FRK: variants seen among roughly 807,000 people sequenced by gnomAD.
FRK encodes fyn related Src family tyrosine kinase.
FRK carries 51 observed loss-of-function variants against 56.4 expected under a neutral mutation model. The ratio of observed to expected loss-of-function variants is 0.90; its 90% CI spans 0.72 to 1.14. The LOEUF is 1.14. Among genes scored for constraint, FRK ranks in the 50% most tolerant of loss-of-function variants. The probability of loss-of-function intolerance (pLI) is 0.00; values close to 1 mark genes in which losing one functional copy is unlikely to be tolerated. For missense variants in FRK, 570 were observed against 601.4 expected (o/e 0.95, Z 0.55); for synonymous variants, 245 against 217.9 (o/e 1.12, Z -1.10).
chr6:115,961,464 A>G, intron 4 of FRK, among the ~76,000 whole-genome samples: 1 of 114,234 alleles, frequency 8.8e-6, no homozygotes, highest in Non-Finnish European at 1.8e-5. Context: ...AAGTTGGAAA[A>G]CACTCTGCAG....
At chr6:115,954,709 AT>A (rs918926787) in intron 5 of FRK, among the ~76,000 whole-genome samples, 1 of 152,050 alleles carries the variant, frequency 6.6e-6, no homozygotes, top group African/African-American at 2.4e-5. Flanking sequence ...ACAAACAATG[AT>A]TTTTTTCCTC....
chr6:116,016,427 C>T (rs1445443727), intron 1 of FRK, among the ~76,000 whole-genome samples: 1 of 152,078 alleles, frequency 6.6e-6, no homozygotes, highest in South Asian at 2.1e-4. Context: ...CACATGTACC[C>T]AGAGAATATG....
chr6:115,977,122 A>C (rs977190047), intron 2 of FRK, among the ~76,000 whole-genome samples: 1 of 152,048 alleles, frequency 6.6e-6, no homozygotes, highest in Non-Finnish European at 1.5e-5. Context: ...CTCAGAAATC[A>C]TGCTAAGATA....
At chr6:116,073,737 T>C in the FRK span, among the ~76,000 whole-genome samples, 1 of 152,176 alleles carries the variant, frequency 6.6e-6, no homozygotes, top group South Asian at 2.1e-4. Flanking sequence ...TTACACTCCA[T>C]TTTTCCATTA....
At chr6:115,958,703 A>G (rs1327106612) in intron 4 of FRK, among the ~76,000 whole-genome samples, 62 of 4,736 alleles carry the variant, frequency 0.013, 7 homozygotes, top group African/African-American at 0.039. Context: ...AAAGAAAGAA[A>G]GAAGAAAGAA....
chr6:115,977,805 A>G (rs958154696), intron 2 of FRK, among the ~76,000 whole-genome samples: 6 of 152,124 alleles, frequency 3.9e-5, no homozygotes, highest in East Asian at 1.9e-4. Flanking sequence ...AAAGACCCCA[A>G]TAGTCCAATC....
chr6:116,033,960 C>G (rs1776383043), intron 1 of FRK, among the ~76,000 whole-genome samples: 1 of 151,816 alleles, frequency 6.6e-6, no homozygotes, highest in South Asian at 2.1e-4. Context: ...AAGGAAGAGG[C>G]AAAGCAATGT....
intron 1 of FRK, chr6:116,039,125 G>A (rs76990077): frequency 5.8e-6 from 5 of 866,368 alleles, no homozygotes; most frequent in East Asian, 2.4e-5. Context: ...CAGAGTAATC[G>A]CTTGCACTGG....
upstream of FRK, among the ~76,000 whole-genome samples, chr6:116,065,190 C>T (rs1333117931): frequency 3.3e-5 from 5 of 152,146 alleles, no homozygotes; most frequent in African/African-American, 1.2e-4. Flanking sequence ...ATGCTGAATA[C>T]TGCTACAGAA....
intron 1 of FRK, among the ~76,000 whole-genome samples, chr6:116,039,848 C>T (rs968372059): frequency 1.3e-5 from 2 of 151,482 alleles, no homozygotes; most frequent in Non-Finnish European, 2.9e-5. Flanking sequence ...ATCCTCCCCT[C>T]GGAAGCCATG....
intron 2 of FRK, among the ~76,000 whole-genome samples, chr6:115,976,815 G>T (rs1422090179): frequency 6.6e-6 from 1 of 152,050 alleles, no homozygotes; most frequent in African/African-American, 2.4e-5. Flanking sequence ...GTTCACAAAG[G>T]ATGATAGATA....
intron 5 of FRK, among the ~76,000 whole-genome samples, chr6:115,947,529 T>C (rs550089345): frequency 6.6e-6 from 1 of 152,234 alleles, no homozygotes; most frequent in South Asian, 2.1e-4. Context: ...CAATGCAATG[T>C]GTGCAAAAAC....
rs1771962327 is a variant in FRK, at chr6:115,931,795, T to C, written c.*10619A>G. 1 of 152,204 alleles carries C rather than the reference T, an allele frequency of 6.6e-6. No individual in the cohort carries two copies. The highest frequency in any genetic ancestry group is 2.4e-5 in the African/African-American group (1 of 41,450). The allele number at this position is 152,204 out of a possible 1,614,324, so 9.4% of individuals were successfully genotyped here. Reference sequence around the variant, plus strand: ...ATCAGAAAATCATTATAAAGCAATATTTAGTTTCTTCCAAACAGGGCAGTT... The same window carrying C: ...ATCAGAAAATCATTATAAAGCAATACTTAGTTTCTTCCAAACAGGGCAGTT... On this transcript the variant is annotated 3_prime_UTR_variant, in exon 8 of 8. Coordinates refer to ENST00000606080, the MANE Select transcript of FRK (RefSeq NM_002031.3).
chr6:116,070,925 T>C, the FRK span, among the ~76,000 whole-genome samples: 2 of 152,146 alleles, frequency 1.3e-5, no homozygotes, highest in Non-Finnish European at 2.9e-5. Context: ...TTTATTTTGA[T>C]ATTGGACATT....
rs376406708 is a variant in FRK, at chr6:115,967,647, G to C, written c.703C>G (p.Gln235Glu). Residue 235 changes from glutamine to glutamate, a missense_variant, in exon 4 of 8, where the codon CAG becomes GAG. Physicochemically the swap from Gln to Glu is conservative, Grantham distance 29. Transcript: ENST00000606080. ...DQWEIDRNSI[Q>E]LLKRLGSGQF... ...CCAGATCCCAATCGCTTCAGAAGCT[G>C]TATGGAGTTGCGGTCTATCTCCCAT... 2.5e-6 allele frequency: 4 copies of C among 1,613,534 alleles called. No individual in the cohort carries two copies. The highest frequency in any genetic ancestry group is 3.4e-6 in the Non-Finnish European group (4 of 1,179,722).
chr6:116,065,873 A>T (rs983726585), upstream of FRK, among the ~76,000 whole-genome samples: 1 of 152,182 alleles, frequency 6.6e-6, no homozygotes, highest in Non-Finnish European at 1.5e-5. Flanking sequence ...ATTATATCTT[A>T]TGTAGTCTAA....
At chr6:115,953,328 T>TA (rs1216784741) in intron 5 of FRK, among the ~76,000 whole-genome samples, 2 of 149,058 alleles carry the variant, frequency 1.3e-5, no homozygotes, top group African/African-American at 4.9e-5. Context: ...TAGCTGGGAC[T>TA]ACAGGCGCCC....
At chr6:116,022,995 GACTTAAAGAGAC>G (rs1293609806) in intron 1 of FRK, among the ~76,000 whole-genome samples, 1 of 152,028 alleles carries the variant, frequency 6.6e-6, no homozygotes, top group Non-Finnish European at 1.5e-5. Flanking sequence ...ATGGGCAGAA[GACTTAAAGAGAC>G]ACTTCACAAA....
At chr6:116,062,207 T>C (rs3806975), upstream of FRK, among the ~76,000 whole-genome samples, 1,908 of 152,176 alleles carry the variant, frequency 0.013, 174 homozygotes, top group East Asian at 0.22. Flanking sequence ...TTGACAGAAG[T>C]ATAAAAGCCA....
Sources: gnomAD v4.1 joint callset for allele counts (sites outside exome capture counted in the v4.1 genomes callset) on GRCh38, gnomAD v4.1.1 for gene constraint, MANE v1.5 for transcripts, NCBI Gene and HGNC (gene_info 2026-07-23, HGNC 2026-07-21) for gene names.